Variants in RPSA2 observed in about 807,000 individuals in gnomAD.
RPSA2 encodes ribosomal protein SA 2, also known as small ribosomal subunit protein uS2B.
the RPSA2 span, among the ~76,000 whole-genome samples, chr19:23,870,066 G>T: frequency 6.6e-6 from 1 of 152,164 alleles, no homozygotes; most frequent in Non-Finnish European, 1.5e-5. Context: ...TCATTAATCT[G>T]TCTGAGCCTT....
At chr19:23,828,088 G>A in the RPSA2 span, 3 of 590,342 alleles carry the variant, frequency 5.1e-6, no homozygotes, top group South Asian at 2.1e-5. Context: ...ATGGAAAAAT[G>A]GTTGATGGAA....
chr19:23,760,147 T>TGG, the RPSA2 span, among the ~76,000 whole-genome samples: 2 of 152,112 alleles, frequency 1.3e-5, no homozygotes, highest in African/African-American at 4.8e-5. Context: ...AGTGTGGAGC[T>TGG]GGGGGAAAAC....
chr19:23,796,335 G>C, the RPSA2 span, among the ~76,000 whole-genome samples: 1 of 151,460 alleles, frequency 6.6e-6, no homozygotes, highest in Non-Finnish European at 1.5e-5. Context: ...ATCATCGTGG[G>C]TTAGCTTTTT....
chr19:23,849,830 T>G, the RPSA2 span, among the ~76,000 whole-genome samples: 1 of 152,158 alleles, frequency 6.6e-6, no homozygotes, highest in African/African-American at 2.4e-5. Flanking sequence ...CTTCCCAAAT[T>G]AAAGTTTCAG....
the RPSA2 span, among the ~76,000 whole-genome samples, chr19:23,798,055 G>A: frequency 1.1e-4 from 16 of 151,434 alleles, no homozygotes; most frequent in East Asian, 2.7e-3. Flanking sequence ...TCTTTGTTAT[G>A]TATTTATTTT....
chr19:23,848,466 T>A, the RPSA2 span, among the ~76,000 whole-genome samples: 1 of 147,400 alleles, frequency 6.8e-6, no homozygotes, highest in African/African-American at 2.5e-5. Context: ...GTCATGGGGT[T>A]TAGTCCAGAA....
At chr19:23,810,982 G>T in the RPSA2 span, among the ~76,000 whole-genome samples, 9 of 150,824 alleles carry the variant, frequency 6.0e-5, no homozygotes, top group Non-Finnish European at 1.2e-4. Context: ...TCCCTTCCTG[G>T]ATCTCAGAAC....
the RPSA2 span, among the ~76,000 whole-genome samples, chr19:23,784,464 C>T: frequency 6.6e-6 from 1 of 152,196 alleles, no homozygotes; most frequent in Admixed American, 6.5e-5. Flanking sequence ...AAACCTAGCT[C>T]ATAGGAAGGT....
At chr19:23,838,386 C>T in the RPSA2 span, among the ~76,000 whole-genome samples, 1 of 151,970 alleles carries the variant, frequency 6.6e-6, no homozygotes, top group African/African-American at 2.4e-5. Flanking sequence ...GGATATGGGT[C>T]TGTAGTTTTC....
chr19:23,853,164 A>C, the RPSA2 span, among the ~76,000 whole-genome samples: 1 of 152,242 alleles, frequency 6.6e-6, no homozygotes, highest in Non-Finnish European at 1.5e-5. Context: ...TTATTGATAG[A>C]TGGTTAAGGC....
the RPSA2 span, among the ~76,000 whole-genome samples, chr19:23,813,640 T>G: frequency 1.3e-5 from 2 of 149,844 alleles, no homozygotes; most frequent in Non-Finnish European, 2.9e-5. Flanking sequence ...CTGTATTTGA[T>G]AATAATTTTA....
chr19:23,841,331 G>T, the RPSA2 span, among the ~76,000 whole-genome samples: 2 of 152,178 alleles, frequency 1.3e-5, no homozygotes, highest in East Asian at 1.9e-4. Context: ...GGGCGTGGTG[G>T]TGGGCACCTG....
chr19:23,806,032 T>C, the RPSA2 span, among the ~76,000 whole-genome samples: 4 of 129,832 alleles, frequency 3.1e-5, no homozygotes, highest in African/African-American at 8.8e-5. Flanking sequence ...TCTATCTATC[T>C]ATCCTTCTTT....
At chr19:23,808,355 C>T in the RPSA2 span, among the ~76,000 whole-genome samples, 29 of 147,398 alleles carry the variant, frequency 2.0e-4, no homozygotes, top group East Asian at 4.1e-4. Flanking sequence ...CTGCAACTTC[C>T]GCCTCCCAGG....
the RPSA2 span, among the ~76,000 whole-genome samples, chr19:23,761,901 A>ATCCATCCTTCCTTCC: frequency 2.0e-3 from 69 of 34,018 alleles, no homozygotes; most frequent in Admixed American, 3.5e-3. Flanking sequence ...GGGTAACGTA[A>ATCCATCCTTCCTTCC]TTCTTTCTTT....
At chr19:23,814,188 G>A in the RPSA2 span, among the ~76,000 whole-genome samples, 2 of 145,684 alleles carry the variant, frequency 1.4e-5, no homozygotes, top group Non-Finnish European at 3.0e-5. Context: ...TTCCAGCCTG[G>A]GCAACAGAGC....
At chr19:23,826,974 A>T in the RPSA2 span, 45 of 597,276 alleles carry the variant, frequency 7.5e-5, no homozygotes, top group East Asian at 9.3e-4. Context: ...ACAGGTGTGA[A>T]CCACCGTGCC....
At chr19:23,836,468 G>T in the RPSA2 span, among the ~76,000 whole-genome samples, 3 of 152,274 alleles carry the variant, frequency 2.0e-5, no homozygotes, top group African/African-American at 7.2e-5. Context: ...GAATTGTGCT[G>T]CTAGAAATAT....
chr19:23,824,580 C>CTTTTTTTTTTT, the RPSA2 span, among the ~76,000 whole-genome samples: 13 of 63,806 alleles, frequency 2.0e-4, no homozygotes, highest in African/African-American at 7.3e-4. Flanking sequence ...TATAGCATTT[C>CTTTTTTTTTTT]TTTTTTTTTT....
Sources: gnomAD v4.1 joint callset for allele counts (sites outside exome capture counted in the v4.1 genomes callset) on GRCh38, gnomAD v4.1.1 for gene constraint, MANE v1.5 for transcripts, NCBI Gene and HGNC (gene_info 2026-07-23, HGNC 2026-07-21) for gene names.